The following LUC7L2 variants were observed in gnomAD, a reference collection of about 807,000 sequenced individuals.
The protein encoded by LUC7L2 is LUC7 like 2, pre-mRNA splicing factor.
A neutral mutation model predicts 52.8 loss-of-function variants in LUC7L2; 25 were observed. The ratio of observed to expected loss-of-function variants is 0.47; its 90% CI spans 0.34 to 0.66. The LOEUF is 0.66. Ranked by LOEUF, LUC7L2 falls within the 30% of genes least tolerant of loss-of-function variation. The probability of loss-of-function intolerance (pLI) is 0.01; values close to 1 mark genes in which losing one functional copy is unlikely to be tolerated. For synonymous variants in LUC7L2, 144 were observed against 160.9 expected (o/e 0.89, Z 0.80); for missense variants, 328 against 497.8 (o/e 0.66, Z 3.25).
intron 8 of LUC7L2, chr7:139,416,615 C>T (rs1222726907): frequency 6.6e-6 from 1 of 151,978 alleles, no homozygotes; most frequent in Admixed American, 6.6e-5. Context: ...CTCCCTGTAG[C>T]CTTGACTTCC....
chr7:139,389,936 G>A (rs915294780), intron 2 of LUC7L2, among the ~76,000 whole-genome samples: 7 of 152,132 alleles, frequency 4.6e-5, no homozygotes, highest in Non-Finnish European at 8.8e-5. Flanking sequence ...TTCAGCTGGC[G>A]CAGGCAGGAT....
chr7:139,367,781 A>G (rs1040119622), intron 1 of LUC7L2, among the ~76,000 whole-genome samples: 2 of 152,166 alleles, frequency 1.3e-5, no homozygotes, highest in Non-Finnish European at 2.9e-5. Flanking sequence ...CCAGGATGAA[A>G]TTACCTCATT....
Position 139,405,811 on chromosome 7 carries a change from G to A in LUC7L2, c.510+24G>A, listed in dbSNP as rs1375883544. On this transcript the variant is annotated intron_variant, in intron 5 of 9. Transcript: ENST00000354926. The stretch of plus-strand genomic sequence containing the variant: ...AGGTAAATTCTTAATAGTAGTAGAC[G>A]AATTCTGCTTAATTTGGTAAGACTA... 1.1e-5 allele frequency: 17 copies of A among 1,570,370 alleles called. No homozygotes were observed. In the East Asian group the frequency reaches 1.4e-4, roughly 13 times the overall value.
At chr7:139,386,202 C>T (rs1305713467) in intron 2 of LUC7L2, among the ~76,000 whole-genome samples, 1 of 151,636 alleles carries the variant, frequency 6.6e-6, no homozygotes, top group Admixed American at 6.6e-5. Context: ...GGGGTTTCAC[C>T]ATGTTGGCTA....
chr7:139,357,103 A>AGGATAC (rs1799627985), upstream of LUC7L2, among the ~76,000 whole-genome samples: 1 of 152,164 alleles, frequency 6.6e-6, no homozygotes, highest in Non-Finnish European at 1.5e-5. Context: ...TGATACCTTA[A>AGGATAC]GGATACACAT....
intron 1 of LUC7L2, among the ~76,000 whole-genome samples, chr7:139,366,730 A>G (rs1800176564): frequency 6.6e-6 from 1 of 152,236 alleles, no homozygotes; most frequent in Admixed American, 6.5e-5. Context: ...ATTCTGGTTT[A>G]GTTATTCTAA....
intron 1 of LUC7L2, chr7:139,375,249 G>T: frequency 2.0e-6 from 2 of 984,804 alleles, no homozygotes. Flanking sequence ...AGCCATATTT[G>T]ATAAGCAGGT....
intron 7 of LUC7L2, 49 bp downstream of exon 7, chr7:139,409,703 A>G (rs1795272996): frequency 6.6e-7 from 1 of 1,519,652 alleles, no homozygotes; most frequent in Non-Finnish European, 8.8e-7. Flanking sequence ...TGTGGTTCTA[A>G]AAAGAGATAT....
At chr7:139,407,391 T>C in intron 6 of LUC7L2, 41 bp downstream of exon 6, 1 of 1,575,394 alleles carries the variant, frequency 6.3e-7, no homozygotes. Context: ...CTCTTGTTCT[T>C]TTGATCTGTA....
rs540857668 is a variant in LUC7L2 at position 139,359,924 on chromosome 7, G to A, written c.-338G>A. 3 of 414,600 alleles carry A rather than the reference G, an allele frequency of 7.2e-6. No homozygotes were observed. The highest frequency in any genetic ancestry group is 1.3e-5 in the Non-Finnish European group (3 of 233,974). The allele number at this position is 414,600 out of a possible 1,614,324, so 25.7% of individuals were successfully genotyped here. On this transcript the variant is annotated 5_prime_UTR_variant, in exon 1 of 10. Coordinates refer to ENST00000354926, the MANE Select transcript of LUC7L2 (RefSeq NM_016019.5). ...CGTCGTGGCGACGGTGGCGGCGAGC[G>A]GCGTCAGAGCTTGAGGGGGGGTTGA...
intron 1 of LUC7L2, 108 bp downstream of exon 1, chr7:139,360,430 C>T (rs949555456): frequency 2.0e-6 from 2 of 1,020,006 alleles, no homozygotes. Flanking sequence ...TAAGGGGCTC[C>T]CAGATTGGTA....
At chr7:139,356,674 G>A (rs1799617711), upstream of LUC7L2, among the ~76,000 whole-genome samples, 1 of 151,894 alleles carries the variant, frequency 6.6e-6, no homozygotes, top group African/African-American at 2.4e-5. Flanking sequence ...CACAGTATGG[G>A]ATCCCTCACA....
intron 2 of LUC7L2, among the ~76,000 whole-genome samples, chr7:139,390,124 G>A (rs1377541118): frequency 1.3e-5 from 2 of 152,138 alleles, no homozygotes; most frequent in African/African-American, 4.8e-5. Context: ...CTGCACTCCA[G>A]GTTGGAAGGT....
chr7:139,379,564 T>G (rs1800888381), intron 2 of LUC7L2, among the ~76,000 whole-genome samples: 2 of 65,758 alleles, frequency 3.0e-5, no homozygotes, highest in African/African-American at 1.1e-4. Context: ...TTTTTTTTTT[T>G]TTTTTTTTTT....
chr7:139,389,800 T>C (rs1039940699), intron 2 of LUC7L2, among the ~76,000 whole-genome samples: 2 of 152,214 alleles, frequency 1.3e-5, no homozygotes, highest in East Asian at 1.9e-4. Context: ...TCCTCCCTCA[T>C]TGAGCTTATA....
At position 139,376,183 on chromosome 7, in the gene LUC7L2, G is replaced by GTTC. The variant is rs778475839; in HGVS notation, c.156+27_156+28insTTC. Reference sequence around the variant, plus strand: ...TATGTATTTACTAAATGTATTGTTAGATTACTGATATGCTGCAGTAATGAA... The same window carrying GTTC: ...TATGTATTTACTAAATGTATTGTTAGTTCATTACTGATATGCTGCAGTAATGAA... On this transcript the variant is annotated intron_variant, in intron 2 of 9. Transcript: ENST00000354926. The GTTC allele has an allele frequency of 3.7e-6, 6 of 1,608,852 alleles. No homozygotes were observed. In the Middle Eastern group the frequency reaches 5.0e-4, roughly 135 times the overall value.
chr7:139,357,858 A>AT (rs1404151117), upstream of LUC7L2, among the ~76,000 whole-genome samples: 3 of 150,656 alleles, frequency 2.0e-5, no homozygotes, highest in African/African-American at 4.9e-5. Flanking sequence ...CGCCCAGCTC[A>AT]TTTTTTCTAT....
chr7:139,412,994 A>G (rs919024817), intron 8 of LUC7L2, among the ~76,000 whole-genome samples: 9 of 152,158 alleles, frequency 5.9e-5, no homozygotes, highest in Non-Finnish European at 1.2e-4. Flanking sequence ...ATAGTTGGAT[A>G]AAATTTTGAT....
chr7:139,341,396 A>G, intron 1 of LUC7L2: 1 of 1,613,132 alleles, frequency 6.2e-7, no homozygotes, highest in Non-Finnish European at 8.5e-7. Context: ...TGGCGGCCTT[A>G]GGGTCCCCGT....
Sources: allele counts gnomAD v4.1 joint callset (sites outside exome capture counted in the v4.1 genomes callset), GRCh38; gene constraint gnomAD v4.1.1; transcripts MANE v1.5; gene names NCBI Gene and HGNC (gene_info 2026-07-23, HGNC 2026-07-21).